NEK7: variants seen among roughly 807,000 people sequenced by gnomAD.
NEK7 encodes serine/threonine-protein kinase Nek7.
NEK7 carries 18 observed loss-of-function variants against 44.6 expected under a neutral mutation model. The ratio of observed to expected loss-of-function variants is 0.40; its 90% CI spans 0.28 to 0.60. NEK7 has a LOEUF of 0.60. Ranked by LOEUF, NEK7 falls within the 20% of genes least tolerant of loss-of-function variation. NEK7 has a pLI of 0.38. For missense variants in NEK7, 256 were observed against 366.5 expected, an observed-to-expected ratio of 0.70 and a Z score of 2.46; for synonymous variants, 130 against 121.1, an observed-to-expected ratio of 1.07 and a Z score of -0.48.
intron 1 of NEK7, among the ~76,000 whole-genome samples, chr1:198,181,724 G>T (rs1255430439): frequency 1.3e-5 from 2 of 152,066 alleles, no homozygotes; most frequent in African/African-American, 4.8e-5. Flanking sequence ...AATGTTGTAT[G>T]ACTTTTAGAT....
At chr1:198,216,343 C>A (rs1469572556) in intron 1 of NEK7, among the ~76,000 whole-genome samples, 1 of 151,862 alleles carries the variant, frequency 6.6e-6, no homozygotes, top group African/African-American at 2.4e-5. Flanking sequence ...TTTGGGTTAA[C>A]CATGAGATCA....
intron 5 of NEK7, among the ~76,000 whole-genome samples, chr1:198,267,933 A>G (rs190771870): frequency 4.1e-4 from 63 of 152,086 alleles, no homozygotes; most frequent in Admixed American, 4.0e-3. Flanking sequence ...TCATGAAACC[A>G]GAGGACTTTG....
At chr1:198,253,740 G>T (rs1284186504) in intron 3 of NEK7, among the ~76,000 whole-genome samples, 1 of 152,068 alleles carries the variant, frequency 6.6e-6, no homozygotes, top group Non-Finnish European at 1.5e-5. Context: ...ACCCTTTCCT[G>T]TCTTCTCGAA....
chr1:198,217,653 GT>G (rs1262862819), intron 1 of NEK7, among the ~76,000 whole-genome samples: 3 of 151,942 alleles, frequency 2.0e-5, no homozygotes, highest in Non-Finnish European at 2.9e-5. Flanking sequence ...AACTATCTCT[GT>G]ATGCTGATTA....
At chr1:198,225,877 G>C (rs1666207278) in intron 1 of NEK7, among the ~76,000 whole-genome samples, 1 of 152,046 alleles carries the variant, frequency 6.6e-6, no homozygotes, top group Non-Finnish European at 1.5e-5. Flanking sequence ...TGCCAGATTT[G>C]TTGAATGTGA....
chr1:198,185,190 AT>A (rs919588030), intron 1 of NEK7, among the ~76,000 whole-genome samples: 9,451 of 84,008 alleles, frequency 0.11, 236 homozygotes, highest in East Asian at 0.3. Flanking sequence ...CATGCTGTCT[AT>A]TTTTTTTTTT....
At chr1:198,209,075 A>C (rs1411817230) in intron 1 of NEK7, among the ~76,000 whole-genome samples, 2 of 147,980 alleles carry the variant, frequency 1.4e-5, no homozygotes, top group Non-Finnish European at 3.0e-5. Context: ...ACACATACGC[A>C]CATATGTATA....
intron 1 of NEK7, among the ~76,000 whole-genome samples, chr1:198,181,680 AAAC>A (rs1278603579): frequency 1.3e-5 from 2 of 152,150 alleles, no homozygotes; most frequent in East Asian, 1.9e-4. Context: ...TGAAATAAAT[AAAC>A]AACAACAAAA....
chr1:198,163,561 A>G (rs1664172924), intron 1 of NEK7, among the ~76,000 whole-genome samples: 1 of 152,208 alleles, frequency 6.6e-6, no homozygotes, highest in Non-Finnish European at 1.5e-5. Flanking sequence ...AGAATAGGTC[A>G]TTTGTTTTAT....
At chr1:198,262,790 A>G (rs1044721328) in intron 4 of NEK7, among the ~76,000 whole-genome samples, 153 bp downstream of exon 4, 2 of 151,926 alleles carry the variant, frequency 1.3e-5, no homozygotes, top group African/African-American at 4.8e-5. Flanking sequence ...ATACTGAAGA[A>G]TGTAGTTATT....
At chr1:198,303,970 G>A (rs1012380630) in intron 9 of NEK7, among the ~76,000 whole-genome samples, 2 of 151,872 alleles carry the variant, frequency 1.3e-5, no homozygotes, top group East Asian at 1.9e-4. Flanking sequence ...AAATTGTTTC[G>A]GTAAATTTAA....
intron 2 of NEK7, among the ~76,000 whole-genome samples, chr1:198,249,068 G>A (rs1666913781): frequency 8.3e-6 from 1 of 120,944 alleles, no homozygotes; most frequent in Non-Finnish European, 1.6e-5. Flanking sequence ...AGTCCCCAGA[G>A]TGTGATGTTC....
intron 1 of NEK7, among the ~76,000 whole-genome samples, chr1:198,169,171 T>C (rs909887918): frequency 2.0e-5 from 3 of 152,210 alleles, no homozygotes; most frequent in African/African-American, 4.8e-5. Flanking sequence ...AGTTTATGGA[T>C]ATAACTGCTG....
chr1:198,259,339 C>G (rs574445563), intron 3 of NEK7, among the ~76,000 whole-genome samples: 17 of 152,128 alleles, frequency 1.1e-4, no homozygotes, highest in African/African-American at 4.1e-4. Context: ...ACATTGATTA[C>G]TGAGAGATTA....
chr1:198,277,113 T>C (rs1054106901), intron 5 of NEK7, among the ~76,000 whole-genome samples: 1 of 151,798 alleles, frequency 6.6e-6, no homozygotes, highest in Non-Finnish European at 1.5e-5. Flanking sequence ...CATTTATAGG[T>C]ATTGTTAAAT....
chr1:198,300,744 G>A (rs1040897789), intron 9 of NEK7, among the ~76,000 whole-genome samples: 3 of 152,196 alleles, frequency 2.0e-5, no homozygotes, highest in Admixed American at 2.0e-4. Context: ...AGGGAATGTG[G>A]CAGGAATCTC....
chr1:198,204,652 G>T (rs1303188112), intron 1 of NEK7, among the ~76,000 whole-genome samples: 1 of 150,372 alleles, frequency 6.7e-6, no homozygotes, highest in Admixed American at 6.6e-5. Context: ...CCAGGGGGCG[G>T]AGCCTGCAGT....
intron 2 of NEK7, among the ~76,000 whole-genome samples, chr1:198,241,567 C>T (rs903556549): frequency 6.6e-6 from 1 of 152,160 alleles, no homozygotes; most frequent in African/African-American, 2.4e-5. Flanking sequence ...GGATGATACC[C>T]TGTGGTGTAC....
intron 1 of NEK7, among the ~76,000 whole-genome samples, chr1:198,161,601 A>C (rs1664108541): frequency 6.6e-6 from 1 of 152,174 alleles, no homozygotes; most frequent in Non-Finnish European, 1.5e-5. Context: ...TTCCCTCAGA[A>C]TAATACCCAG....
Sources: allele counts gnomAD v4.1 joint callset (sites outside exome capture counted in the v4.1 genomes callset), GRCh38; gene constraint gnomAD v4.1.1; transcripts MANE v1.5; gene names NCBI Gene and HGNC (gene_info 2026-07-23, HGNC 2026-07-21).